ZNF331: variants seen among roughly 807,000 people sequenced by gnomAD.
ZNF331 encodes the protein zinc finger protein 331, also known as C2H2-like zinc finger protein rearranged in thyroid adenomas.
A neutral mutation model predicts 7.0 loss-of-function variants in ZNF331; 2 were observed. That is an observed-to-expected ratio of 0.29 (90% CI 0.12 to 0.90). The LOEUF (loss-of-function observed/expected upper bound fraction) is 0.90, where lower values mean the gene tolerates loss of function less well. Ranked by LOEUF, ZNF331 falls within the 40% of genes least tolerant of loss-of-function variation. The pLI is 0.58. For synonymous variants in ZNF331, 196 were observed against 205.4 expected, an observed-to-expected ratio of 0.95 and a Z score of 0.39; for missense variants, 432 against 587.7, an observed-to-expected ratio of 0.74 and a Z score of 2.74.
At chr19:53,515,458 C>T (rs140054200), upstream of ZNF331, among the ~76,000 whole-genome samples, 40 of 152,232 alleles carry the variant, frequency 2.6e-4, 1 homozygote, top group East Asian at 6.8e-3. Context: ...TTTCTGTCAC[C>T]CTCCATCCTT....
intron 3 of ZNF331, among the ~76,000 whole-genome samples, chr19:53,568,299 G>C (rs1282932058): frequency 1.3e-5 from 2 of 151,848 alleles, no homozygotes; most frequent in Non-Finnish European, 2.9e-5. Context: ...CAGACACAGA[G>C]CTTCTGGTGT....
At chr19:53,511,924 G>A in the ZNF331 span, 1 of 152,158 alleles carries the variant, frequency 6.6e-6, no homozygotes, top group African/African-American at 2.4e-5. Context: ...ACCATTCTGA[G>A]TATATCGTTC....
At chr19:53,544,162 G>T (rs1200050805) in intron 2 of ZNF331, among the ~76,000 whole-genome samples, 2 of 151,352 alleles carry the variant, frequency 1.3e-5, no homozygotes, top group African/African-American at 4.9e-5. Flanking sequence ...GGGAGGCGGA[G>T]GTTGCAGTGA....
upstream of ZNF331, among the ~76,000 whole-genome samples, chr19:53,520,277 T>C (rs2147217677): frequency 6.6e-6 from 1 of 152,128 alleles, no homozygotes; most frequent in Middle Eastern, 3.4e-3. Context: ...GAACTCCTGA[T>C]CTCAGGTGAT....
chr19:53,539,642 C>T lies in ZNF331; in HGVS notation c.-138+360C>T, dbSNP rs1316105008. ...TAACCTGAGGGCCTGCCTTTAACTCCACTTACAACTTTCCAAGGGACATTC... is the reference window on the plus strand; with the variant it reads ...TAACCTGAGGGCCTGCCTTTAACTCTACTTACAACTTTCCAAGGGACATTC... On this transcript the variant is annotated intron_variant, in intron 2 of 5. Transcript: ENST00000449416. This position sits in a 1 kb window ranked among gnomAD's most constrained non-coding sequence, Gnocchi z 6.1. The T allele has an allele frequency of 6.6e-6, 1 of 152,182 alleles. No individual in the cohort carries two copies. The highest frequency in any genetic ancestry group is 2.4e-5 in the African/African-American group (1 of 41,438). The allele number at this position is 152,182 out of a possible 1,614,324, so 9.4% of individuals were successfully genotyped here.
chr19:53,514,850 C>G (rs1225598201), upstream of ZNF331, among the ~76,000 whole-genome samples: 4 of 152,066 alleles, frequency 2.6e-5, no homozygotes, highest in African/African-American at 9.7e-5. Context: ...TGGGGTTTCA[C>G]CATGTTAGCC....
chr19:53,546,140 GAAAAAAA>G (rs527391326), intron 2 of ZNF331, among the ~76,000 whole-genome samples: 2,346 of 113,522 alleles, frequency 0.021, 80 homozygotes, highest in African/African-American at 0.061. Context: ...TCCTGAGGGG[GAAAAAAA>G]AAAAAAAAAA....
chr19:53,532,926 C>T (rs1450444716), intron 2 of ZNF331, among the ~76,000 whole-genome samples: 4 of 152,014 alleles, frequency 2.6e-5, no homozygotes, highest in Non-Finnish European at 5.9e-5. Flanking sequence ...TTGAAAGTCT[C>T]ATGGTTTTTC....
chr19:53,578,207 A>T lies in ZNF331; in HGVS notation c.*255A>T. ...ACGCCACCCACCCTGCTAGTGACTT[A>T]GTAGCCGTCTTGGTGATCAGATCAA... On this transcript the variant is annotated 3_prime_UTR_variant, in exon 6 of 6. Coordinates refer to ENST00000449416, the MANE Select transcript of ZNF331 (RefSeq NM_001079906.2). The T allele has an allele frequency of 2.2e-6, 1 of 447,956 alleles. No individual in the cohort carries two copies. Among genetic ancestry groups the T allele is most frequent in the South Asian group, 2.9e-5 (1 of 34,548 alleles). The allele number at this position is 447,956 out of a possible 1,614,324, so 27.7% of individuals were successfully genotyped here. A position where few individuals can be genotyped will look rare whatever the true frequency, so the allele number is the denominator to read the frequency against.
intron 3 of ZNF331, among the ~76,000 whole-genome samples, chr19:53,566,041 G>A (rs1265993074): frequency 6.6e-6 from 1 of 152,074 alleles, no homozygotes; most frequent in African/African-American, 2.4e-5. Context: ...TTCTCTAGAT[G>A]GACTCAACAG....
At chr19:53,564,031 CAAAAAAAAAA>C (rs57538972) in intron 3 of ZNF331, among the ~76,000 whole-genome samples, 32,435 of 76,704 alleles carry the variant, frequency 0.42, 5,576 homozygotes, top group South Asian at 0.66. Flanking sequence ...GACTTCATCT[CAAAAAAAAAA>C]AAAAAAAAAA....
intron 2 of ZNF331, among the ~76,000 whole-genome samples, chr19:53,544,182 A>C (rs373797530): frequency 6.7e-6 from 1 of 149,264 alleles, no homozygotes; most frequent in East Asian, 2.0e-4. Flanking sequence ...AGTTGAGATC[A>C]CGCCACTGCA....
chr19:53,572,427 A>G (rs2090488263), intron 5 of ZNF331, among the ~76,000 whole-genome samples: 1 of 151,808 alleles, frequency 6.6e-6, no homozygotes, highest in Non-Finnish European at 1.5e-5. Context: ...CAGGAGTTGA[A>G]GGCTATAGTT....
At chr19:53,562,282 G>C (rs1429574251) in intron 3 of ZNF331, among the ~76,000 whole-genome samples, 1 of 152,146 alleles carries the variant, frequency 6.6e-6, no homozygotes, top group Non-Finnish European at 1.5e-5. Flanking sequence ...ACATTAGCAA[G>C]GTTATAGATA....
At chr19:53,547,011 G>A (rs1393442534) in intron 2 of ZNF331, among the ~76,000 whole-genome samples, 1 of 152,032 alleles carries the variant, frequency 6.6e-6, no homozygotes. Context: ...TTTGATCTGT[G>A]TTTATACTGC....
chr19:53,527,655 G>C (rs2708759), intron 2 of ZNF331, among the ~76,000 whole-genome samples: 39,807 of 151,978 alleles, frequency 0.26, 6,148 homozygotes, highest in African/African-American at 0.43. Context: ...CCTGCTAATT[G>C]ATCATGTAGA....
At chr19:53,562,958 A>G (rs921634148) in intron 3 of ZNF331, among the ~76,000 whole-genome samples, 6 of 151,772 alleles carry the variant, frequency 4.0e-5, no homozygotes, top group African/African-American at 1.5e-4. Context: ...ACTGCACTCC[A>G]GCCTCAGCAA....
At chr19:53,564,648 T>A (rs1172830739) in intron 3 of ZNF331, among the ~76,000 whole-genome samples, 2 of 152,246 alleles carry the variant, frequency 1.3e-5, no homozygotes, top group Non-Finnish European at 1.5e-5. Context: ...TCAATTAATC[T>A]GCATCAATAT....
At chr19:53,554,100 G>A (rs2089196500) in intron 2 of ZNF331, among the ~76,000 whole-genome samples, 1 of 152,158 alleles carries the variant, frequency 6.6e-6, no homozygotes, top group South Asian at 2.1e-4. Flanking sequence ...ACCCCTTCCC[G>A]AAGCCCCTGT....
Sources: gnomAD v4.1 joint callset for allele counts (sites outside exome capture counted in the v4.1 genomes callset) on GRCh38, gnomAD v4.1.1 for gene constraint, Gnocchi (gnomAD v3.1) non-coding constraint, MANE v1.5 for transcripts, NCBI Gene and HGNC (gene_info 2026-07-23, HGNC 2026-07-21) for gene names.